The following RYR1 variants were observed in gnomAD, a reference collection of about 807,000 sequenced individuals.
RYR1 encodes central core disease of muscle.
Under a neutral mutation model 583.5 loss-of-function variants are expected in RYR1, and 342 were observed. That is an observed-to-expected ratio of 0.59 (90% confidence interval 0.54 to 0.64). The LOEUF is 0.64. RYR1 is among the 30% of genes least tolerant of loss of function. RYR1 has a pLI of 0.00. For synonymous variants in RYR1, 2,791 were observed against 2,822.5 expected (o/e 0.99, Z 0.35); for missense variants, 6,032 against 6,917.2 (o/e 0.87, Z 4.54).
At chr19:38,451,270 A>G (rs1967061524) in intron 11 of RYR1, among the ~76,000 whole-genome samples, 1 of 152,224 alleles carries the variant, frequency 6.6e-6, no homozygotes, top group East Asian at 1.9e-4. Context: ...TGGTGTTTAC[A>G]GCCGCAGACT....
chr19:38,454,728 T>C (rs1967270471), intron 13 of RYR1, among the ~76,000 whole-genome samples: 1 of 152,008 alleles, frequency 6.6e-6, no homozygotes, highest in African/African-American at 2.4e-5. Context: ...GTATATGTTT[T>C]ATGTACTTTT....
At chr19:38,507,978 T>G in intron 58 of RYR1, 151 bp downstream of exon 58, 1 of 650,936 alleles carries the variant, frequency 1.5e-6, no homozygotes. Context: ...GACACTGTTC[T>G]AGATGCTGGG....
chr19:38,518,758 A>G (rs1971088055), intron 66 of RYR1, among the ~76,000 whole-genome samples: 1 of 152,078 alleles, frequency 6.6e-6, no homozygotes. Flanking sequence ...GTGAAACCCC[A>G]TCTCTACCAA....
At chr19:38,511,761 G>A in intron 61 of RYR1, 151 bp downstream of exon 61, 1 of 1,003,090 alleles carries the variant, frequency 1.0e-6, no homozygotes, top group Non-Finnish European at 1.5e-6. Flanking sequence ...GGGGGGTAGG[G>A]CAGTGACTGA....
chr19:38,571,926 T>A, intron 94 of RYR1, 93 bp from the exon 95 acceptor site: 2 of 1,570,022 alleles, frequency 1.3e-6, no homozygotes, highest in Non-Finnish European at 1.7e-6. Context: ...GTATCTGGTA[T>A]GGTCCCAGTC....
chr19:38,490,338 ACT>A (rs2145563025), intron 36 of RYR1, 62 bp downstream of exon 36: 7 of 1,484,986 alleles, frequency 4.7e-6, no homozygotes, highest in Non-Finnish European at 6.5e-6. Context: ...ACATCTCCTG[ACT>A]CTGATCACTG....
Position 38,517,344 on chromosome 19 carries a change from G to A in RYR1, c.9686-15G>A, listed in dbSNP as rs551076978. On this transcript the variant is annotated splice_polypyrimidine_tract_variant and intron_variant, in intron 65 of 105. Transcript: ENST00000359596. ...TGATGGCTTGACATTCCCTGCCCCC[G>A]TCCCTGTACCCCAGTCCTGGGGCTC... 3.6e-5 allele frequency: 58 copies of A among 1,611,554 alleles called. No homozygotes were observed. In the Admixed American group the frequency reaches 3.7e-4, roughly 10 times the overall value.
intron 31 of RYR1, among the ~76,000 whole-genome samples, chr19:38,482,613 G>A (rs535064274): frequency 5.9e-5 from 9 of 151,934 alleles, no homozygotes; most frequent in Non-Finnish European, 2.9e-5. Flanking sequence ...GCCATGCCTC[G>A]CTAATTTTTT....
At chr19:38,506,702 C>T in intron 56 of RYR1, 127 bp from the exon 57 acceptor site, 1 of 1,509,534 alleles carries the variant, frequency 6.6e-7, no homozygotes, top group Non-Finnish European at 9.1e-7. Context: ...CACCAGCAAG[C>T]AATGTTTCCG....
At chr19:38,580,543 C>A in intron 101 of RYR1, 39 bp downstream of exon 101, 1 of 1,612,410 alleles carries the variant, frequency 6.2e-7, no homozygotes, top group South Asian at 1.1e-5. Flanking sequence ...CCTTCCTTCT[C>A]GCATCTGTTG....
intron 58 of RYR1, 89 bp downstream of exon 58, chr19:38,507,916 C>T: frequency 1.3e-6 from 1 of 782,134 alleles, no homozygotes; most frequent in Non-Finnish European, 2.3e-6. Context: ...TGTTCATGCA[C>T]TCAATCCGTC....
rs564127684 is a variant in RYR1, at chr19:38,499,832, C to T, written c.7214+11C>T. ...CCGGCGGCGCGAGCAGTGAGTCTCC[C>T]GGCCCCCTCCTCAATAGGGCAACCC... On this transcript the variant is annotated intron_variant, in intron 44 of 105. Coordinates refer to ENST00000359596, the MANE Select transcript of RYR1 (RefSeq NM_000540.3). The surrounding 1 kb of genome is among the most constrained non-coding windows in gnomAD (Gnocchi z 7.3). The T allele has an allele frequency of 7.5e-6, 12 of 1,608,820 alleles. No homozygotes were observed. Among genetic ancestry groups the T allele is most frequent in the African/African-American group, 4.0e-5 (3 of 74,848 alleles).
At chr19:38,529,406 G>A (rs1349181667) in intron 76 of RYR1, among the ~76,000 whole-genome samples, 1 of 152,162 alleles carries the variant, frequency 6.6e-6, no homozygotes, top group African/African-American at 2.4e-5. Context: ...CTTGAACCTG[G>A]GAGGCGGAGG....
intron 60 of RYR1, 78 bp downstream of exon 60, chr19:38,510,859 G>A: frequency 1.3e-6 from 2 of 1,598,906 alleles, no homozygotes; most frequent in South Asian, 1.1e-5. Flanking sequence ...GCTCTGTCCT[G>A]GGTGCTGGGT....
intron 67 of RYR1, among the ~76,000 whole-genome samples, chr19:38,521,381 AAG>A (rs1433968523): frequency 6.6e-6 from 1 of 152,008 alleles, no homozygotes; most frequent in Admixed American, 6.6e-5. Flanking sequence ...TCAAAAAAAA[AAG>A]AAATTTTATG....
chr19:38,470,813 G>T (rs1417320649), intron 27 of RYR1, among the ~76,000 whole-genome samples: 1 of 152,220 alleles, frequency 6.6e-6, no homozygotes, highest in Non-Finnish European at 1.5e-5. Context: ...TCCAGTTGAG[G>T]TCTGAGTTTT....
intron 31 of RYR1, among the ~76,000 whole-genome samples, chr19:38,479,539 C>T (rs1455804377): frequency 6.6e-6 from 1 of 151,720 alleles, no homozygotes; most frequent in Non-Finnish European, 1.5e-5. Context: ...TCCTAAGTAG[C>T]TGGGACTATA....
At chr19:38,578,108 A>T (rs1228684024) in intron 98 of RYR1, 36 bp from the exon 99 acceptor site, 4 of 1,613,148 alleles carry the variant, frequency 2.5e-6, no homozygotes, top group Admixed American at 1.7e-5. Context: ...CTGGAGTCTG[A>T]CACTCAAGCA....
chr19:38,573,423 T>A, intron 96 of RYR1, 116 bp downstream of exon 96: 2 of 1,338,246 alleles, frequency 1.5e-6, no homozygotes, highest in Non-Finnish European at 2.0e-6. Context: ...GGCTCACACC[T>A]GTAATCCCGG....
Sources: allele counts gnomAD v4.1 joint callset (sites outside exome capture counted in the v4.1 genomes callset), GRCh38; gene constraint gnomAD v4.1.1; non-coding constraint Gnocchi (gnomAD v3.1); transcripts MANE v1.5; gene names NCBI Gene and HGNC (gene_info 2026-07-23, HGNC 2026-07-21).